Variants in RIMS2 observed in about 807,000 individuals in gnomAD.
RIMS2 encodes the protein regulating synaptic membrane exocytosis 2, also known as regulating synaptic membrane exocytosis protein 2.
A neutral mutation model predicts 174.4 loss-of-function variants in RIMS2; 59 were observed. The ratio of observed to expected loss-of-function variants is 0.34; its 90% CI spans 0.27 to 0.42. The LOEUF (loss-of-function observed/expected upper bound fraction) is 0.42, where lower values mean the gene tolerates loss of function less well. Ranked by LOEUF, RIMS2 falls within the 10% of genes least tolerant of loss-of-function variation. The pLI is 1.00. For synonymous variants in RIMS2, 606 were observed against 572.5 expected (o/e 1.06, Z -0.84); for missense variants, 1,620 against 1,666.3 (o/e 0.97, Z 0.48).
intron 19 of RIMS2, among the ~76,000 whole-genome samples, chr8:104,133,156 A>G (rs192606031): frequency 1.2e-4 from 19 of 152,348 alleles, no homozygotes; most frequent in Admixed American, 1.2e-3. Flanking sequence ...CATGTTCCAC[A>G]TCTGTATTTG....
intron 1 of RIMS2, among the ~76,000 whole-genome samples, chr8:103,620,728 T>C (rs2095614882): frequency 6.6e-6 from 1 of 152,188 alleles, no homozygotes; most frequent in Non-Finnish European, 1.5e-5. Flanking sequence ...AATAAAATTG[T>C]GATAATACCA....
intron 1 of RIMS2, among the ~76,000 whole-genome samples, chr8:103,687,484 C>A (rs2096956484): frequency 1.3e-5 from 2 of 151,924 alleles, no homozygotes; most frequent in East Asian, 1.9e-4. Context: ...ATGATTCAAT[C>A]CAGCTAATTA....
chr8:104,255,181 T>C (rs1169344789), downstream of RIMS2: 1 of 152,118 alleles, frequency 6.6e-6, no homozygotes, highest in African/African-American at 2.4e-5. Context: ...TCCCCCTATC[T>C]GTCCCATATA....
exon 4 of RIMS2, chr8:103,885,360 A>G: frequency 2.5e-6 from 4 of 1,611,920 alleles, no homozygotes; most frequent in Non-Finnish European, 3.4e-6. Context: ...GAAGAAAGAG[A>G]GGAATATTCA....
At chr8:103,780,901 AGT>A (rs2098381291) in intron 3 of RIMS2, among the ~76,000 whole-genome samples, 1 of 149,498 alleles carries the variant, frequency 6.7e-6, no homozygotes, top group Admixed American at 6.6e-5. Context: ...GATTCTTTTT[AGT>A]TTACCTGTTG....
At chr8:104,155,455 C>T (rs575753904) in intron 19 of RIMS2, among the ~76,000 whole-genome samples, 1 of 136,348 alleles carries the variant, frequency 7.3e-6, no homozygotes, top group Admixed American at 7.7e-5. Flanking sequence ...GCTCTGTCGC[C>T]CAGGCTGGAG....
chr8:104,255,278 C>CGGAA, downstream of RIMS2: 1 of 142,268 alleles, frequency 7.0e-6, no homozygotes, highest in East Asian at 2.4e-4. Flanking sequence ...ATATACATTC[C>CGGAA]TGTATATGAA....
intron 1 of RIMS2, among the ~76,000 whole-genome samples, chr8:103,620,790 A>G (rs2095616350): frequency 6.6e-6 from 1 of 152,224 alleles, no homozygotes; most frequent in African/African-American, 2.4e-5. Flanking sequence ...TGCCTGGCAT[A>G]TAGTGGTTAC....
intron 3 of RIMS2, among the ~76,000 whole-genome samples, chr8:103,833,627 T>A (rs985184069): frequency 5.3e-5 from 8 of 152,120 alleles, no homozygotes; most frequent in Admixed American, 3.3e-4. Flanking sequence ...GAATCTCTTA[T>A]CAGAGGTAAA....
intron 19 of RIMS2, among the ~76,000 whole-genome samples, chr8:104,228,743 C>A (rs2099205712): frequency 6.6e-6 from 1 of 152,160 alleles, no homozygotes; most frequent in African/African-American, 2.4e-5. Context: ...GGAAGCAGGA[C>A]ATGGATAGAC....
intron 16 of RIMS2, chr8:103,976,410 T>C (rs973150115): frequency 6.6e-6 from 1 of 152,152 alleles, no homozygotes; most frequent in African/African-American, 2.4e-5. Context: ...TATATCTAGG[T>C]AGAACCAACT....
chr8:103,868,174 G>A (rs139859851), intron 3 of RIMS2, among the ~76,000 whole-genome samples: 48 of 151,994 alleles, frequency 3.2e-4, no homozygotes, highest in African/African-American at 1.1e-3. Context: ...GGTTGGATAC[G>A]TATACATAAA....
At chr8:104,091,630 T>C (rs980667261) in intron 19 of RIMS2, among the ~76,000 whole-genome samples, 4 of 150,052 alleles carry the variant, frequency 2.7e-5, no homozygotes, top group Non-Finnish European at 5.9e-5. Flanking sequence ...GTATACAATA[T>C]ATTATTGTAT....
At chr8:103,616,898 C>G (rs975178752) in intron 1 of RIMS2, among the ~76,000 whole-genome samples, 2 of 152,070 alleles carry the variant, frequency 1.3e-5, no homozygotes, top group African/African-American at 4.8e-5. Flanking sequence ...GAAAAACATC[C>G]CATGTTCATG....
intron 3 of RIMS2, among the ~76,000 whole-genome samples, chr8:103,860,831 G>T (rs974466673): frequency 6.6e-6 from 1 of 151,788 alleles, no homozygotes; most frequent in Non-Finnish European, 1.5e-5. Context: ...TTTGTGCCTG[G>T]GTTAGCAGCA....
chr8:103,834,226 C>A (rs941369632), intron 3 of RIMS2, among the ~76,000 whole-genome samples: 2 of 151,770 alleles, frequency 1.3e-5, no homozygotes, highest in Non-Finnish European at 2.9e-5. Flanking sequence ...TAGCTATTAA[C>A]CCTGTTTCCC....
At chr8:104,227,513 T>C (rs891266120) in intron 19 of RIMS2, among the ~76,000 whole-genome samples, 3 of 152,150 alleles carry the variant, frequency 2.0e-5, no homozygotes, top group African/African-American at 7.2e-5. Context: ...AAGCAAATGT[T>C]ACCATTCTTA....
chr8:104,046,575 G>A (rs72683169), intron 19 of RIMS2, among the ~76,000 whole-genome samples: 19,479 of 151,874 alleles, frequency 0.13, 1,705 homozygotes, highest in Non-Finnish European at 0.19. Context: ...GTGCATGTAC[G>A]GACACATATA....
intron 3 of RIMS2, among the ~76,000 whole-genome samples, chr8:103,810,389 A>T (rs2154462173): frequency 6.6e-6 from 1 of 152,232 alleles, no homozygotes; most frequent in South Asian, 2.1e-4. Context: ...TCCCATTTAC[A>T]CTCAATCAGT....
Sources: allele counts gnomAD v4.1 joint callset (sites outside exome capture counted in the v4.1 genomes callset), GRCh38; gene constraint gnomAD v4.1.1; transcripts MANE v1.5; gene names NCBI Gene and HGNC (gene_info 2026-07-23, HGNC 2026-07-21).